Variants in SGCZ observed in about 807,000 individuals in gnomAD.
The protein encoded by SGCZ is sarcoglycan zeta.
A neutral mutation model predicts 41.3 loss-of-function variants in SGCZ; 40 were observed. The ratio of observed to expected loss-of-function variants is 0.97; its 90% CI spans 0.75 to 1.26. SGCZ has a LOEUF of 1.26. Among genes scored for constraint, SGCZ ranks in the 50% most tolerant of loss-of-function variants. SGCZ has a pLI of 0.00. For synonymous variants in SGCZ, 206 were observed against 137.5 expected (o/e 1.50, Z -3.49); for missense variants, 552 against 369.8 (o/e 1.49, Z -4.04).
chr8:14,100,551 A>T (rs1801984165), intron 7 of SGCZ, among the ~76,000 whole-genome samples: 1 of 81,494 alleles, frequency 1.2e-5, no homozygotes. Flanking sequence ...TATACATTAG[A>T]TTAATATATT....
At chr8:14,150,791 G>T (rs1803468999) in intron 5 of SGCZ, among the ~76,000 whole-genome samples, 2 of 152,164 alleles carry the variant, frequency 1.3e-5, no homozygotes, top group African/African-American at 4.8e-5. Flanking sequence ...ATCAACAGAT[G>T]AATGGATAAA....
intron 3 of SGCZ, among the ~76,000 whole-genome samples, chr8:14,286,329 T>G (rs1305706320): frequency 1.3e-5 from 2 of 152,088 alleles, no homozygotes; most frequent in Admixed American, 1.3e-4. Context: ...CTTGTCCAAC[T>G]AGCATAGTTA....
At chr8:14,167,197 G>C (rs1299928853) in intron 4 of SGCZ, among the ~76,000 whole-genome samples, 3 of 152,126 alleles carry the variant, frequency 2.0e-5, no homozygotes, top group African/African-American at 7.2e-5. Flanking sequence ...TAGGCTTTAT[G>C]AAACTGATTT....
intron 1 of SGCZ, among the ~76,000 whole-genome samples, chr8:14,763,932 T>C (rs1258155885): frequency 1.3e-5 from 2 of 152,200 alleles, no homozygotes; most frequent in East Asian, 3.8e-4. Flanking sequence ...CTGTGTGATG[T>C]TGGATTTGAC....
chr8:14,684,648 A>G (rs987339103), intron 1 of SGCZ, among the ~76,000 whole-genome samples: 6 of 152,140 alleles, frequency 3.9e-5, no homozygotes, highest in African/African-American at 1.4e-4. Context: ...TAAATGATGC[A>G]TCTCAAATCT....
chr8:14,250,180 A>C (rs1339753426), intron 3 of SGCZ, among the ~76,000 whole-genome samples: 1 of 152,200 alleles, frequency 6.6e-6, no homozygotes, highest in African/African-American at 2.4e-5. Context: ...CTAGAAATGG[A>C]CTTCCAAAAA....
intron 1 of SGCZ, among the ~76,000 whole-genome samples, chr8:14,620,389 C>G (rs140342208): frequency 6.6e-6 from 1 of 152,160 alleles, no homozygotes; most frequent in Non-Finnish European, 1.5e-5. Flanking sequence ...AGAAGGACTT[C>G]ATGTCTAAAA....
At chr8:14,169,852 A>C (rs928663299) in intron 4 of SGCZ, among the ~76,000 whole-genome samples, 4 of 152,170 alleles carry the variant, frequency 2.6e-5, no homozygotes, top group African/African-American at 7.2e-5. Flanking sequence ...ATATGGATGC[A>C]GTCTGCTTGA....
chr8:14,411,526 C>T (rs1439510893), intron 2 of SGCZ, among the ~76,000 whole-genome samples: 1 of 151,996 alleles, frequency 6.6e-6, no homozygotes, highest in Non-Finnish European at 1.5e-5. Context: ...TTGCTGCCTA[C>T]AGCATATAAA....
rs181629400 is a variant in SGCZ at position 14,811,916 on chromosome 8, A to G, written c.40-256990T>C. 1.8e-3 allele frequency among the ~76,000 whole-genome samples: 273 copies of G among 152,136 alleles called. 1 individual carries two copies. The highest frequency in any genetic ancestry group is 6.3e-3 in the African/African-American group (261 of 41,558). ...ATAAGCATTTGATTTTTAAGTAATT[A>G]TAACTATTTTCTGCATTCATCAATT... On this transcript the variant is annotated intron_variant, in intron 1 of 7. Transcript: ENST00000382080.
At chr8:14,756,936 A>C (rs1799690788) in intron 1 of SGCZ, among the ~76,000 whole-genome samples, 1 of 152,234 alleles carries the variant, frequency 6.6e-6, no homozygotes, top group Admixed American at 6.5e-5. Context: ...ATAATCTTGT[A>C]AAAACGGCAG....
At chr8:14,877,526 C>CA (rs1804410663) in intron 1 of SGCZ, among the ~76,000 whole-genome samples, 1 of 152,022 alleles carries the variant, frequency 6.6e-6, no homozygotes, top group Non-Finnish European at 1.5e-5. Flanking sequence ...TCATATGCTA[C>CA]ATGTTTTGAA....
At chr8:14,903,937 C>A (rs1342295208) in intron 1 of SGCZ, among the ~76,000 whole-genome samples, 1 of 151,862 alleles carries the variant, frequency 6.6e-6, no homozygotes, top group Non-Finnish European at 1.5e-5. Flanking sequence ...AACATTAACT[C>A]AAGATACTTC....
intron 1 of SGCZ, among the ~76,000 whole-genome samples, chr8:14,665,876 G>C (rs562259165): frequency 6.6e-6 from 1 of 152,096 alleles, no homozygotes; most frequent in African/African-American, 2.4e-5. Flanking sequence ...AGTGTCGATC[G>C]TCTGAATTGC....
intron 1 of SGCZ, among the ~76,000 whole-genome samples, chr8:14,852,130 A>G (rs1803352221): frequency 6.6e-6 from 1 of 152,154 alleles, no homozygotes; most frequent in Non-Finnish European, 1.5e-5. Context: ...TTAAAGAGGC[A>G]ATGCTTTAAG....
intron 1 of SGCZ, among the ~76,000 whole-genome samples, chr8:15,217,051 TAA>T (rs1027921947): frequency 2.1e-5 from 3 of 145,292 alleles, no homozygotes; most frequent in African/African-American, 7.5e-5. Context: ...CTTATATTCT[TAA>T]AAAAAAAAAA....
At chr8:14,244,042 T>C (rs1798987315) in intron 3 of SGCZ, among the ~76,000 whole-genome samples, 1 of 152,176 alleles carries the variant, frequency 6.6e-6, no homozygotes, top group African/African-American at 2.4e-5. Flanking sequence ...ATGAATGAAC[T>C]GAACTGAGCA....
At chr8:14,630,849 C>G (rs1328275629) in intron 1 of SGCZ, among the ~76,000 whole-genome samples, 1 of 122,462 alleles carries the variant, frequency 8.2e-6, no homozygotes, top group Non-Finnish European at 1.6e-5. Flanking sequence ...GGATGGGGAA[C>G]ATCAGACACT....
intron 4 of SGCZ, among the ~76,000 whole-genome samples, chr8:14,209,029 G>T (rs1022744546): frequency 3.3e-5 from 5 of 152,200 alleles, no homozygotes; most frequent in Non-Finnish European, 5.9e-5. Context: ...ATAGGAAAAG[G>T]TTACCTGGGA....
Sources: allele counts gnomAD v4.1 joint callset (sites outside exome capture counted in the v4.1 genomes callset), GRCh38; gene constraint gnomAD v4.1.1; transcripts MANE v1.5; gene names NCBI Gene and HGNC (gene_info 2026-07-23, HGNC 2026-07-21).